Variants in TNRC6A observed in about 807,000 individuals in gnomAD.
TNRC6A encodes trinucleotide repeat containing adaptor 6A, also known as trinucleotide repeat-containing gene 6A protein.
Under a neutral mutation model 221.2 loss-of-function variants are expected in TNRC6A, and 44 were observed. The observed-to-expected ratio is 0.20, with a 90% CI of 0.16 to 0.26. The LOEUF is 0.26. Ranked by LOEUF, TNRC6A falls within the 10% of genes least tolerant of loss-of-function variation. The pLI is 1.00. For synonymous variants in TNRC6A, 847 were observed against 838.5 expected, an observed-to-expected ratio of 1.01 and a Z score of -0.18; for missense variants, 2,199 against 2,404.4, an observed-to-expected ratio of 0.91 and a Z score of 1.79.
chr16:24,614,970 C>G (rs1900267550), intron 1 of TNRC6A, among the ~76,000 whole-genome samples: 1 of 152,106 alleles, frequency 6.6e-6, no homozygotes, highest in Non-Finnish European at 1.5e-5. Flanking sequence ...GAGGCTGAGG[C>G]AAGAGAATTG....
chr16:24,730,196 A>G (rs1596560732), intron 1 of TNRC6A, 57 bp from the exon 2 acceptor site: 2 of 1,275,306 alleles, frequency 1.6e-6, no homozygotes, highest in East Asian at 5.3e-5. Context: ...TTTCACGCGC[A>G]TCTCGTTTTT....
chr16:24,700,009 G>A (rs974714822), intron 2 of TNRC6A, among the ~76,000 whole-genome samples: 6 of 152,000 alleles, frequency 3.9e-5, no homozygotes, highest in African/African-American at 1.4e-4. Flanking sequence ...GCTTGATTCT[G>A]CCCCTTCCAG....
Position 24,789,370 on chromosome 16 carries a change from CT to C in TNRC6A, c.729del (p.Gly244AlafsTer53). ...GAAAAAGAAGCATGGCCCTCAGCCC[CT>C]GGCAGTGATCCGGAGTTGGCTTCAG... is the stretch of plus-strand genomic sequence containing the variant. ...LSEKEAWPSAPGSDPELASEC... is the reference protein window; with the variant it reads ...LSEKEAWPSAXGSDPELASEC... On this transcript the variant is annotated frameshift_variant, in exon 6 of 25. Coordinates refer to ENST00000395799, the MANE Select transcript of TNRC6A (RefSeq NM_014494.4). LOFTEE classifies it high-confidence loss of function. 6.2e-7 allele frequency: 1 copy of C among 1,614,198 alleles called. No individual in the cohort carries two copies. Among genetic ancestry groups the C allele is most frequent in the Non-Finnish European group, 8.5e-7 (1 of 1,180,030 alleles).
At chr16:24,749,763 T>C (rs2057094822) in intron 2 of TNRC6A, among the ~76,000 whole-genome samples, 1 of 152,222 alleles carries the variant, frequency 6.6e-6, no homozygotes, top group African/African-American at 2.4e-5. Context: ...GCGCAGTCTG[T>C]CACTTTGAAA....
At chr16:24,620,707 C>T (rs1293926809) in intron 1 of TNRC6A, among the ~76,000 whole-genome samples, 1 of 152,094 alleles carries the variant, frequency 6.6e-6, no homozygotes, top group Admixed American at 6.6e-5. Context: ...ACTCGGGAGG[C>T]TGAGACAGGA....
At chr16:24,783,996 T>G (rs912612183) in intron 5 of TNRC6A, among the ~76,000 whole-genome samples, 5 of 152,204 alleles carry the variant, frequency 3.3e-5, no homozygotes, top group African/African-American at 1.2e-4. Flanking sequence ...ACACATTTTG[T>G]TTTTGTTGTT....
chr16:24,806,855 C>T (rs1293317280), intron 17 of TNRC6A, 71 bp downstream of exon 17: 2 of 1,384,372 alleles, frequency 1.4e-6, no homozygotes, highest in African/African-American at 2.9e-5. Flanking sequence ...TCACACGTAC[C>T]CTTACAGCTC....
At chr16:24,705,954 A>G (rs2056085647) in intron 2 of TNRC6A, among the ~76,000 whole-genome samples, 1 of 152,242 alleles carries the variant, frequency 6.6e-6, no homozygotes, top group Non-Finnish European at 1.5e-5. Flanking sequence ...CCAATCCAAG[A>G]GTACTCCTGG....
At position 24,732,183 on chromosome 16, in the gene TNRC6A, G is replaced by C. The variant is rs556449027; in HGVS notation, c.53+1883G>C. ...GGGGAGCATTTCTTGCAGGTTAAAA[G>C]TGTTCTGAGGAAGGAGAGAGGTGAT... On this transcript the variant is annotated intron_variant, in intron 2 of 24. Transcript: ENST00000395799. Among the ~76,000 whole-genome samples the C allele has an allele frequency of 3.1e-4, 47 of 152,320 alleles. 1 individual carries two copies. In the South Asian group the frequency reaches 9.3e-3, roughly 30 times the overall value.
intron 7 of TNRC6A, 22 bp downstream of exon 7, chr16:24,793,671 G>A: frequency 7.2e-7 from 1 of 1,398,154 alleles, no homozygotes. Context: ...ACAATGCCTG[G>A]TAGCTGTTAT....
At chr16:24,768,511 A>G (rs1366734318) in intron 4 of TNRC6A, among the ~76,000 whole-genome samples, 1 of 152,066 alleles carries the variant, frequency 6.6e-6, no homozygotes, top group Non-Finnish European at 1.5e-5. Flanking sequence ...TTACTTGAGA[A>G]TAACATTTTC....
intron 1 of TNRC6A, among the ~76,000 whole-genome samples, chr16:24,616,865 G>T (rs543826445): frequency 6.6e-6 from 1 of 152,102 alleles, no homozygotes; most frequent in African/African-American, 2.4e-5. Flanking sequence ...AGGTTGCAGT[G>T]AGCCGAGATC....
chr16:24,657,351 C>G (rs7184878), intron 2 of TNRC6A, among the ~76,000 whole-genome samples: 3 of 121,408 alleles, frequency 2.5e-5, no homozygotes, highest in Non-Finnish European at 3.6e-5. Flanking sequence ...AACAAACAAA[C>G]AAAGAAACAA....
intron 19 of TNRC6A, 114 bp downstream of exon 19, chr16:24,815,419 G>A (rs754180887): frequency 2.6e-5 from 31 of 1,206,344 alleles, no homozygotes; most frequent in Admixed American, 1.6e-4. Flanking sequence ...TGACGTGTGC[G>A]GATGAGAAGG....
chr16:24,811,133 G>C (rs2152035953), intron 18 of TNRC6A, among the ~76,000 whole-genome samples: 1 of 152,324 alleles, frequency 6.6e-6, no homozygotes, highest in South Asian at 2.1e-4. Flanking sequence ...TAGTCCATGG[G>C]CTTGGAGGAG....
chr16:24,804,061 T>A (rs1438886368), intron 11 of TNRC6A, 116 bp from the exon 12 acceptor site: 2 of 1,099,202 alleles, frequency 1.8e-6, no homozygotes, highest in Non-Finnish European at 1.3e-6. Context: ...TCACATACCC[T>A]TGTCTTGGCT....
At chr16:24,796,875 T>C (rs2058230591) in intron 9 of TNRC6A, among the ~76,000 whole-genome samples, 1 of 152,160 alleles carries the variant, frequency 6.6e-6, no homozygotes, top group African/African-American at 2.4e-5. Flanking sequence ...TTAACTCATG[T>C]CTCAATGGAG....
intron 2 of TNRC6A, chr16:24,664,772 C>CACAT (rs2055118251): frequency 5.2e-6 from 1 of 193,730 alleles, no homozygotes; most frequent in Non-Finnish European, 8.6e-6. Flanking sequence ...CCCCAAATCA[C>CACAT]ACACACACAC....
intron 2 of TNRC6A, among the ~76,000 whole-genome samples, chr16:24,690,048 G>T (rs1261576310): frequency 7.0e-6 from 1 of 141,988 alleles, no homozygotes; most frequent in Non-Finnish European, 1.5e-5. Flanking sequence ...TTGAGATAGG[G>T]TCTCATTCTG....
Sources: gnomAD v4.1 joint callset for allele counts (sites outside exome capture counted in the v4.1 genomes callset) on GRCh38, gnomAD v4.1.1 for gene constraint, MANE v1.5 for transcripts, NCBI Gene and HGNC (gene_info 2026-07-23, HGNC 2026-07-21) for gene names.